The following UBE2D4 variants were observed in gnomAD, a reference collection of about 807,000 sequenced individuals.
UBE2D4 encodes ubiquitin-conjugating enzyme E2 D4.
UBE2D4 carries 17 observed loss-of-function variants against 23.0 expected under a neutral mutation model. The observed-to-expected ratio is 0.74, with a 90% CI of 0.51 to 1.11. The LOEUF (loss-of-function observed/expected upper bound fraction) is 1.11. UBE2D4 is among the 50% of genes least tolerant of loss of function. The pLI is 0.00. For synonymous variants in UBE2D4, 61 were observed against 69.4 expected, an observed-to-expected ratio of 0.88 and a Z score of 0.60; for missense variants, 139 against 181.8, an observed-to-expected ratio of 0.76 and a Z score of 1.35.
chr7:43,926,652 C>T, intron 1 of UBE2D4, 96 bp downstream of exon 1: 1 of 1,337,618 alleles, frequency 7.5e-7, no homozygotes, highest in Non-Finnish European at 1.0e-6. Flanking sequence ...ACGGAGGCTC[C>T]GCGAGTCGCG....
Position 43,953,418 on chromosome 7 carries a change from T to A in UBE2D4, c.*723T>A. 2.9e-6 allele frequency: 1 copy of A among 344,034 alleles called. No individual in the cohort carries two copies. Among genetic ancestry groups the A allele is most frequent in the Non-Finnish European group, 5.7e-6 (1 of 176,008 alleles). The allele number at this position is 344,034 out of a possible 1,614,324, so 21.3% of individuals were successfully genotyped here. Reference sequence around the variant, plus strand: ...AAACCTCTAGAGATTTGGGTCATGTTACTCCATTTGATGAAGATTCTCACT... The same window carrying A: ...AAACCTCTAGAGATTTGGGTCATGTAACTCCATTTGATGAAGATTCTCACT... On this transcript the variant is annotated 3_prime_UTR_variant, in exon 7 of 7. Transcript: ENST00000222402.
At chr7:43,935,478 T>C (rs1369385366) in intron 1 of UBE2D4, among the ~76,000 whole-genome samples, 1 of 152,066 alleles carries the variant, frequency 6.6e-6, no homozygotes, top group Non-Finnish European at 1.5e-5. Context: ...GGCCACAGAA[T>C]ACATATTTTT....
At chr7:43,948,160 A>G (rs945717252) in intron 4 of UBE2D4, among the ~76,000 whole-genome samples, 1 of 152,136 alleles carries the variant, frequency 6.6e-6, no homozygotes, top group Non-Finnish European at 1.5e-5. Context: ...CACTCTGATG[A>G]TAGTTTCTTT....
Position 43,948,544 on chromosome 7 carries a change from T to C in UBE2D4, c.199-88T>C. 3.5e-6 allele frequency: 3 copies of C among 857,734 alleles called. No homozygotes were observed. In the East Asian group the frequency reaches 7.3e-5, roughly 21 times the overall value. 53.1% of individuals were successfully genotyped at this position (857,734 alleles called of 1,614,324 possible). A position where few individuals can be genotyped will look rare whatever the true frequency, so the allele number is the denominator to read the frequency against. ...CAGGTATGCAGCACACTCCAGGTAC[T>C]GCCCAGCAGCAGCTGCTTCTGCTTT... On this transcript the variant is annotated intron_variant, in intron 4 of 6. Coordinates refer to ENST00000222402, the MANE Select transcript of UBE2D4 (RefSeq NM_015983.4).
intron 1 of UBE2D4, among the ~76,000 whole-genome samples, chr7:43,932,138 T>C (rs1418376511): frequency 6.6e-6 from 1 of 151,962 alleles, no homozygotes; most frequent in African/African-American, 2.4e-5. Flanking sequence ...TACAGGCGCC[T>C]GCCACCACAC....
chr7:43,937,765 C>T (rs1405389881), intron 1 of UBE2D4, among the ~76,000 whole-genome samples: 2 of 151,760 alleles, frequency 1.3e-5, no homozygotes, highest in Non-Finnish European at 1.5e-5. Flanking sequence ...GTAGATAGGA[C>T]AGTGTTTGGC....
chr7:43,952,707 G>C lies in UBE2D4; in HGVS notation c.*12G>C. ...AATATGCTATGTAAGTGCCTTGGAGGTTTTACATGAGACACTGTCCAAGAG... is the reference window on the plus strand; with the variant it reads ...AATATGCTATGTAAGTGCCTTGGAGCTTTTACATGAGACACTGTCCAAGAG... On this transcript the variant is annotated 3_prime_UTR_variant, in exon 7 of 7. Coordinates refer to ENST00000222402, the MANE Select transcript of UBE2D4 (RefSeq NM_015983.4). 1.2e-6 allele frequency: 2 copies of C among 1,610,484 alleles called. No individual in the cohort carries two copies. The highest frequency in any genetic ancestry group is 2.2e-5 in the South Asian group (2 of 90,998).
At chr7:43,952,345 T>A (rs762004080) in intron 6 of UBE2D4, 59 of 320,156 alleles carry the variant, frequency 1.8e-4, no homozygotes, top group Non-Finnish European at 3.5e-4. Context: ...CCTGCATCCA[T>A]ATTGTAGGAC....
Position 43,926,507 on chromosome 7 carries a change from G to T in UBE2D4, c.-26G>T. ...CGCCTCAGGCAGCCCCGGCCGGGCC[G>T]CCCGGGTCCCCGGCAGCGGGGTAGG... On this transcript the variant is annotated 5_prime_UTR_variant, in exon 1 of 7. Coordinates refer to ENST00000222402, the MANE Select transcript of UBE2D4 (RefSeq NM_015983.4). The T allele has an allele frequency of 1.3e-6, 2 of 1,515,318 alleles. No individual in the cohort carries two copies. The highest frequency in any genetic ancestry group is 8.8e-7 in the Non-Finnish European group (1 of 1,132,280). The allele number at this position is 1,515,318 out of a possible 1,614,324, so 93.9% of individuals were successfully genotyped here.
chr7:43,936,071 C>T (rs1053999428), intron 1 of UBE2D4, among the ~76,000 whole-genome samples: 3 of 152,194 alleles, frequency 2.0e-5, no homozygotes, highest in Non-Finnish European at 2.9e-5. Context: ...CAGGGTTTCA[C>T]CATGTTGGCC....
chr7:43,934,694 A>G (rs922027200), intron 1 of UBE2D4, among the ~76,000 whole-genome samples: 2 of 151,670 alleles, frequency 1.3e-5, no homozygotes, highest in African/African-American at 4.8e-5. Context: ...GACCAAGTAC[A>G]CACACACATT....
At position 43,943,032 on chromosome 7, in the gene UBE2D4, G is replaced by T. The variant is rs778957626; in HGVS notation, c.198+1G>T. 5.6e-6 allele frequency: 9 copies of T among 1,613,976 alleles called. No homozygotes were observed. In the South Asian group the frequency reaches 9.9e-5, roughly 18 times the overall value. On this transcript the variant is annotated splice_donor_variant, in intron 4 of 6. Coordinates refer to ENST00000222402, the MANE Select transcript of UBE2D4 (RefSeq NM_015983.4). LOFTEE classifies it high-confidence loss of function. ...AGATTACCCGTTCAAGCCCCCAAAGGTGAGGTCCCTCTCCCAACTCCCCTG... is the reference window on the plus strand; with the variant it reads ...AGATTACCCGTTCAAGCCCCCAAAGTTGAGGTCCCTCTCCCAACTCCCCTG...
chr7:43,934,382 G>A (rs1192643188), intron 1 of UBE2D4, among the ~76,000 whole-genome samples: 1 of 151,706 alleles, frequency 6.6e-6, no homozygotes, highest in Non-Finnish European at 1.5e-5. Flanking sequence ...ATGACTCAGT[G>A]TTGGGCTCTG....
In UBE2D4 at chr7:43,953,911, A is replaced by G. The variant is rs1253928826; in HGVS notation, c.*1216A>G. The G allele has an allele frequency of 6.6e-6, 1 of 152,284 alleles. No homozygotes were observed. Among genetic ancestry groups the G allele is most frequent in the Non-Finnish European group, 1.5e-5 (1 of 68,084 alleles). The allele number at this position is 152,284 out of a possible 1,614,324, so 9.4% of individuals were successfully genotyped here. On this transcript the variant is annotated 3_prime_UTR_variant, in exon 7 of 7. Transcript: ENST00000222402. ...AGTGATGTGTAGGTGAATAGGAACAAAAGGTGAAGAAGCAGTAAAACTGTG... is the reference window on the plus strand; with the variant it reads ...AGTGATGTGTAGGTGAATAGGAACAGAAGGTGAAGAAGCAGTAAAACTGTG...
chr7:43,926,843 AGGGTATCCAGAAGGGCTGGGT>A (rs1214678570), intron 1 of UBE2D4, among the ~76,000 whole-genome samples: 3 of 152,216 alleles, frequency 2.0e-5, no homozygotes, highest in Admixed American at 1.3e-4. Flanking sequence ...TTCCCCCTGT[AGGGTATCCAGAAGGGCTGGGT>A]GGGTATCCAG....
chr7:43,933,541 G>A (rs1261614867), intron 1 of UBE2D4, among the ~76,000 whole-genome samples: 1 of 152,092 alleles, frequency 6.6e-6, no homozygotes, highest in Non-Finnish European at 1.5e-5. Context: ...AGGAGTTTGA[G>A]ACCAGCCTGG....
intron 1 of UBE2D4, among the ~76,000 whole-genome samples, chr7:43,931,612 G>T (rs1282258027): frequency 1.2e-4 from 13 of 111,026 alleles, no homozygotes; most frequent in African/African-American, 6.0e-5. Flanking sequence ...AACCGGGGTG[G>T]GGGGGCGGGG....
At chr7:43,943,297 G>A in intron 4 of UBE2D4, 1 of 567,178 alleles carries the variant, frequency 1.8e-6, no homozygotes, top group South Asian at 2.1e-5. Flanking sequence ...CTGTAGCTGA[G>A]TCTGGTCATG....
intron 1 of UBE2D4, among the ~76,000 whole-genome samples, chr7:43,933,062 T>C (rs1461714686): frequency 6.8e-5 from 10 of 146,484 alleles, no homozygotes; most frequent in African/African-American, 2.3e-4. Flanking sequence ...ATATAACATA[T>C]ATACACACAT....
Sources: allele counts gnomAD v4.1 joint callset (sites outside exome capture counted in the v4.1 genomes callset), GRCh38; gene constraint gnomAD v4.1.1; transcripts MANE v1.5; gene names NCBI Gene and HGNC (gene_info 2026-07-23, HGNC 2026-07-21).